BLK: variants seen among roughly 807,000 people sequenced by gnomAD.
BLK encodes tyrosine-protein kinase Blk.
Under a neutral mutation model 61.8 loss-of-function variants are expected in BLK, and 64 were observed. That is an observed-to-expected ratio of 1.03 (90% CI 0.85 to 1.27). The LOEUF (loss-of-function observed/expected upper bound fraction) is 1.27, where lower values mean the gene tolerates loss of function less well. BLK is among the 50% of genes most tolerant of loss of function. The probability of loss-of-function intolerance (pLI) is 0.00; values close to 1 mark genes in which losing one functional copy is unlikely to be tolerated. For missense variants in BLK, 853 were observed against 660.5 expected, an observed-to-expected ratio of 1.29 and a Z score of -3.19; for synonymous variants, 351 against 272.0, an observed-to-expected ratio of 1.29 and a Z score of -2.86.
chr8:11,550,745 C>G (rs944939921), intron 6 of BLK, among the ~76,000 whole-genome samples: 1 of 152,260 alleles, frequency 6.6e-6, no homozygotes, highest in Non-Finnish European at 1.5e-5. Flanking sequence ...AGTCTAGACA[C>G]TCATGAGTTC....
chr8:11,558,303 C>G (rs6983727), intron 10 of BLK, among the ~76,000 whole-genome samples: 1 of 152,092 alleles, frequency 6.6e-6, no homozygotes, highest in Non-Finnish European at 1.5e-5. Context: ...TGGAATGAGG[C>G]TATTCTGTTC....
intron 3 of BLK, among the ~76,000 whole-genome samples, chr8:11,546,621 G>C (rs1330447705): frequency 1.3e-5 from 2 of 152,084 alleles, no homozygotes; most frequent in Non-Finnish European, 2.9e-5. Context: ...TGTCACCCAG[G>C]CTGCAGTGCA....
intron 8 of BLK, chr8:11,556,362 G>A (rs1801222820): frequency 4.4e-6 from 2 of 457,066 alleles, no homozygotes; most frequent in Non-Finnish European, 8.1e-6. Context: ...GTAGGGGAGG[G>A]GTGGGGGAAG....
At chr8:11,543,090 T>G in intron 1 of BLK, 134 bp from the exon 2 acceptor site, 4 of 1,396,642 alleles carry the variant, frequency 2.9e-6, no homozygotes, top group Non-Finnish European at 3.0e-6. Flanking sequence ...CGTTCTGACT[T>G]TGAGGTCTTT....
intron 1 of BLK, among the ~76,000 whole-genome samples, chr8:11,537,274 T>G (rs926771569): frequency 2.0e-5 from 3 of 152,090 alleles, no homozygotes; most frequent in African/African-American, 4.8e-5. Flanking sequence ...CTGGGAGAAT[T>G]TGGAATTCTG....
intron 1 of BLK, among the ~76,000 whole-genome samples, chr8:11,516,563 T>C (rs11781400): frequency 7.2e-5 from 11 of 152,224 alleles, no homozygotes; most frequent in African/African-American, 1.4e-4. Flanking sequence ...ATATCTGTTA[T>C]AGCAGCCCTG....
intron 1 of BLK, among the ~76,000 whole-genome samples, chr8:11,525,439 T>A (rs1799617108): frequency 6.6e-6 from 1 of 152,182 alleles, no homozygotes; most frequent in East Asian, 1.9e-4. Flanking sequence ...ACTCCTTTTT[T>A]TAAATTTCAC....
intron 1 of BLK, among the ~76,000 whole-genome samples, chr8:11,533,333 C>T (rs1490574577): frequency 6.6e-6 from 1 of 152,106 alleles, no homozygotes; most frequent in Non-Finnish European, 1.5e-5. Context: ...ACCCTCAAAC[C>T]CGATGGAGGT....
At chr8:11,537,668 C>T (rs903683227) in intron 1 of BLK, among the ~76,000 whole-genome samples, 2 of 152,156 alleles carry the variant, frequency 1.3e-5, no homozygotes, top group South Asian at 4.1e-4. Flanking sequence ...CAAGCCACCT[C>T]GCCTCGCCTT....
chr8:11,538,542 C>A (rs920060833), intron 1 of BLK, among the ~76,000 whole-genome samples: 1 of 152,198 alleles, frequency 6.6e-6, no homozygotes, highest in Non-Finnish European at 1.5e-5. Context: ...TACTTTCTGT[C>A]CGGTTCTTTG....
Position 11,564,537 on chromosome 8 carries a change from C to A in BLK, c.*429C>A. The A allele has an allele frequency of 6.3e-6, 3 of 475,014 alleles. No individual in the cohort carries two copies. Among genetic ancestry groups the A allele is most frequent in the Admixed American group, 2.3e-5 (1 of 42,962 alleles). The allele number at this position is 475,014 out of a possible 1,614,324, so 29.4% of individuals were successfully genotyped here. ...GTCCCGCGGACGCCAGCAGGGGCAGCCCCAGCCTAGGCTGCGCTCCAGCAC... is the reference window on the plus strand; with the variant it reads ...GTCCCGCGGACGCCAGCAGGGGCAGACCCAGCCTAGGCTGCGCTCCAGCAC... On this transcript the variant is annotated 3_prime_UTR_variant, in exon 13 of 13. Transcript: ENST00000259089.
At chr8:11,513,341 A>G (rs1482550872) in intron 1 of BLK, among the ~76,000 whole-genome samples, 2 of 152,218 alleles carry the variant, frequency 1.3e-5, no homozygotes, top group African/African-American at 2.4e-5. Flanking sequence ...TTCGTGGACC[A>G]TAGTGGAGAC....
intron 1 of BLK, among the ~76,000 whole-genome samples, chr8:11,516,721 A>G (rs1799243574): frequency 6.6e-6 from 1 of 152,196 alleles, no homozygotes; most frequent in Admixed American, 6.5e-5. Flanking sequence ...ACTTAGCACA[A>G]TGCCTTCAAG....
Position 11,533,582 on chromosome 8 carries a change from C to T in BLK, c.-1-9642C>T, listed in dbSNP as rs549010018. On this transcript the variant is annotated intron_variant, in intron 1 of 12. Coordinates refer to ENST00000259089, the MANE Select transcript of BLK (RefSeq NM_001715.3). ...GTGCTTCAGTTTCTTCCCTGTCTGC[C>T]GGAGGAGGAGGAGGAGGAGGAGAAG... Among the ~76,000 whole-genome samples, 11 of 47,768 alleles carry T rather than the reference C, an allele frequency of 2.3e-4. No individual in the cohort carries two copies. In the South Asian group the frequency reaches 2.3e-3, roughly 10 times the overall value. 31.3% of individuals were successfully genotyped at this position (47,768 alleles called of 152,430 possible). A position where few individuals can be genotyped will look rare whatever the true frequency, so the allele number is the denominator to read the frequency against.
At chr8:11,524,534 C>T (rs6992979) in intron 1 of BLK, among the ~76,000 whole-genome samples, 3,089 of 152,234 alleles carry the variant, frequency 0.02, 95 homozygotes, top group African/African-American at 0.07. Flanking sequence ...TACTGCTGTA[C>T]GAAATGTCTG....
intron 1 of BLK, among the ~76,000 whole-genome samples, chr8:11,525,327 A>T (rs371518567): frequency 3.9e-5 from 6 of 152,324 alleles, no homozygotes; most frequent in Admixed American, 1.3e-4. Context: ...AAGTCCTCTT[A>T]TCCCTTTGTG....
chr8:11,500,257 G>T (rs1735201433), intron 1 of BLK, among the ~76,000 whole-genome samples: 1 of 151,542 alleles, frequency 6.6e-6, no homozygotes, highest in African/African-American at 2.4e-5. Flanking sequence ...GCAATGGTTT[G>T]ATCTCAGCTC....
At chr8:11,552,322 G>T (rs751217436) in intron 6 of BLK, among the ~76,000 whole-genome samples, 1 of 152,218 alleles carries the variant, frequency 6.6e-6, no homozygotes, top group Non-Finnish European at 1.5e-5. Context: ...TTGGAAAGCT[G>T]GGGTGCTCTG....
chr8:11,507,512 A>T lies in BLK; in HGVS notation c.-2+12921A>T, dbSNP rs563576793. 2.0e-5 allele frequency among the ~76,000 whole-genome samples: 3 copies of T among 152,334 alleles called. No individual in the cohort carries two copies. The South Asian group carries it at 6.2e-4, about 32-fold the overall frequency. On this transcript the variant is annotated intron_variant, in intron 1 of 12. Coordinates refer to ENST00000259089, the MANE Select transcript of BLK (RefSeq NM_001715.3). The stretch of plus-strand genomic sequence containing the variant: ...GAGGGCTTTTGGGAGCTTTTAAAAG[A>T]AGGCAAGTCACGCTTTAAAAGAACT...
Sources: gnomAD v4.1 joint callset for allele counts (sites outside exome capture counted in the v4.1 genomes callset) on GRCh38, gnomAD v4.1.1 for gene constraint, MANE v1.5 for transcripts, NCBI Gene and HGNC (gene_info 2026-07-23, HGNC 2026-07-21) for gene names.